RANBP2: variants seen among roughly 807,000 people sequenced by gnomAD.
RANBP2 encodes the protein RAN binding protein 2, also known as E3 SUMO-protein ligase RanBP2.
In RANBP2, 57 loss-of-function variants were observed where a neutral mutation model predicts 303.6. That is an observed-to-expected ratio of 0.19 (90% CI 0.15 to 0.23). The LOEUF (loss-of-function observed/expected upper bound fraction) is 0.23. RANBP2 is among the 10% of genes least tolerant of loss of function. The pLI is 1.00. For synonymous variants in RANBP2, 1,167 were observed against 1,301.5 expected, an observed-to-expected ratio of 0.90 and a Z score of 2.23; for missense variants, 3,138 against 3,780.8, an observed-to-expected ratio of 0.83 and a Z score of 4.46.
the RANBP2 span, among the ~76,000 whole-genome samples, chr2:108,792,260 C>T: frequency 6.6e-6 from 1 of 152,150 alleles, no homozygotes; most frequent in East Asian, 1.9e-4. Flanking sequence ...GTTGATAATA[C>T]TGGTGCTGGT....
chr2:108,922,266 G>A, the RANBP2 span, among the ~76,000 whole-genome samples: 1 of 152,236 alleles, frequency 6.6e-6, no homozygotes, highest in Non-Finnish European at 1.5e-5. Context: ...GAATGATCTG[G>A]CCTTGAATCA....
At chr2:108,859,016 T>G in the RANBP2 span, among the ~76,000 whole-genome samples, 1 of 152,212 alleles carries the variant, frequency 6.6e-6, no homozygotes, top group Non-Finnish European at 1.5e-5. Context: ...TAGAACAATT[T>G]CATTTCCTTT....
At chr2:108,895,423 G>A in the RANBP2 span, 1 of 152,590 alleles carries the variant, frequency 6.6e-6, no homozygotes, top group African/African-American at 2.4e-5. Flanking sequence ...CCTGGCTCCT[G>A]AGCTCTTGGC....
the RANBP2 span, among the ~76,000 whole-genome samples, chr2:109,086,676 G>A: frequency 6.6e-6 from 1 of 152,188 alleles, no homozygotes; most frequent in Non-Finnish European, 1.5e-5. Context: ...CCTGCCAGGT[G>A]ACACTGACTC....
the RANBP2 span, among the ~76,000 whole-genome samples, chr2:109,353,784 T>A: frequency 1.3e-5 from 2 of 152,156 alleles, no homozygotes; most frequent in African/African-American, 4.8e-5. Context: ...CCTGCCCGTG[T>A]GTGCATGCGT....
the RANBP2 span, among the ~76,000 whole-genome samples, chr2:109,406,767 C>G: frequency 6.6e-6 from 1 of 151,988 alleles, no homozygotes; most frequent in South Asian, 2.1e-4. Context: ...TAGAATGTCT[C>G]CAGGACCATA....
the RANBP2 span, chr2:108,798,366 G>A: frequency 6.4e-7 from 1 of 1,557,964 alleles, no homozygotes; most frequent in South Asian, 1.2e-5. Context: ...TCAGCCAATA[G>A]GAATATAATT....
At chr2:109,105,853 T>TC in the RANBP2 span, among the ~76,000 whole-genome samples, 27 of 129,798 alleles carry the variant, frequency 2.1e-4, no homozygotes, top group African/African-American at 7.2e-4. Flanking sequence ...CCGCGCCTGG[T>TC]CTTTTTTTTT....
the RANBP2 span, among the ~76,000 whole-genome samples, chr2:109,212,789 G>A: frequency 2.0e-5 from 3 of 151,818 alleles, no homozygotes; most frequent in South Asian, 6.2e-4. Flanking sequence ...TCTGCCCCTG[G>A]TATTTCCCTG....
chr2:109,235,633 T>C, the RANBP2 span, among the ~76,000 whole-genome samples: 1 of 152,208 alleles, frequency 6.6e-6, no homozygotes, highest in Admixed American at 6.5e-5. Flanking sequence ...TGTTTTGCTT[T>C]TGCTGTTTTT....
At chr2:109,574,691 G>C in the RANBP2 span, 19 of 1,610,006 alleles carry the variant, frequency 1.2e-5, no homozygotes, top group Non-Finnish European at 1.2e-5. Flanking sequence ...TAGGTAAAGA[G>C]AGAACGCTTA....
At chr2:108,876,699 C>G in the RANBP2 span, 1 of 151,898 alleles carries the variant, frequency 6.6e-6, no homozygotes, top group Non-Finnish European at 1.5e-5. Context: ...ATACTGTATC[C>G]TAGATTAACA....
At chr2:109,191,258 T>A in the RANBP2 span, among the ~76,000 whole-genome samples, 128 of 152,260 alleles carry the variant, frequency 8.4e-4, no homozygotes, top group African/African-American at 2.9e-3. Flanking sequence ...AGGTTGTTTC[T>A]GACATCAAGA....
chr2:109,055,430 C>T, the RANBP2 span, among the ~76,000 whole-genome samples: 7 of 146,182 alleles, frequency 4.8e-5, no homozygotes, highest in South Asian at 4.3e-4. Context: ...GGCACAATCT[C>T]GGCTCATTGC....
chr2:109,483,900 A>T, the RANBP2 span, among the ~76,000 whole-genome samples: 2 of 151,950 alleles, frequency 1.3e-5, no homozygotes, highest in African/African-American at 4.8e-5. Flanking sequence ...CTCTGCAGCC[A>T]GGGCCACATC....
the RANBP2 span, among the ~76,000 whole-genome samples, chr2:109,453,120 A>C: frequency 3.5e-4 from 53 of 152,156 alleles, no homozygotes; most frequent in Non-Finnish European, 6.8e-4. Context: ...GGATAATACA[A>C]GTGCAGACAG....
At chr2:109,432,818 TC>T in the RANBP2 span, 1 of 1,131,556 alleles carries the variant, frequency 8.8e-7, no homozygotes, top group Non-Finnish European at 1.2e-6. Context: ...CCCACTGGCG[TC>T]CCCAGGCCCA....
the RANBP2 span, among the ~76,000 whole-genome samples, chr2:109,169,714 C>CTA: frequency 2.6e-5 from 4 of 150,994 alleles, no homozygotes; most frequent in South Asian, 4.2e-4. Context: ...CTATATATAT[C>CTA]TATATATATA....
the RANBP2 span, among the ~76,000 whole-genome samples, chr2:109,350,005 T>C: frequency 6.4e-4 from 97 of 152,096 alleles, no homozygotes; most frequent in Non-Finnish European, 1.1e-3. Context: ...GACAGGCCAG[T>C]GGAGAATGTG....
Sources: allele counts gnomAD v4.1 joint callset (sites outside exome capture counted in the v4.1 genomes callset), GRCh38; gene constraint gnomAD v4.1.1; transcripts MANE v1.5; gene names NCBI Gene and HGNC (gene_info 2026-07-23, HGNC 2026-07-21).